The following GATM variants were observed in gnomAD, a reference collection of about 807,000 sequenced individuals.
The protein encoded by GATM is glycine amidinotransferase, also known as glycine amidinotransferase, mitochondrial.
A neutral mutation model predicts 54.2 loss-of-function variants in GATM; 23 were observed. The ratio of observed to expected loss-of-function variants is 0.42; its 90% confidence interval spans 0.31 to 0.60. The LOEUF (loss-of-function observed/expected upper bound fraction) is 0.60. Among genes scored for constraint, GATM ranks in the 20% least tolerant of loss-of-function variants. GATM has a pLI of 0.14. For synonymous variants in GATM, 168 were observed against 183.1 expected, an observed-to-expected ratio of 0.92 and a Z score of 0.67; for missense variants, 401 against 544.9, an observed-to-expected ratio of 0.74 and a Z score of 2.63.
chr15:45,401,400 A>C (rs746459840), intron 1 of GATM, among the ~76,000 whole-genome samples: 3 of 152,228 alleles, frequency 2.0e-5, no homozygotes, highest in Non-Finnish European at 4.4e-5. Context: ...GTTGCAGTGA[A>C]AGTGGGGAAA....
chr15:45,376,402 A>G (rs1315566031), intron 2 of GATM, among the ~76,000 whole-genome samples, 199 bp downstream of exon 2: 1 of 148,088 alleles, frequency 6.8e-6, no homozygotes, highest in Non-Finnish European at 1.5e-5. Flanking sequence ...ATCCAAGGGA[A>G]GAGCTTCAGG....
At chr15:45,398,545 C>A (rs1889960182) in intron 2 of GATM, among the ~76,000 whole-genome samples, 1 of 152,122 alleles carries the variant, frequency 6.6e-6, no homozygotes, top group Admixed American at 6.5e-5. Flanking sequence ...TTCTAAAGAA[C>A]AATTTTAACA....
At chr15:45,369,659 A>G in intron 2 of GATM, 138 bp from the exon 3 acceptor site, 1 of 747,786 alleles carries the variant, frequency 1.3e-6, no homozygotes, top group Non-Finnish European at 2.3e-6. Context: ...GCTGATCCCT[A>G]GCATTGAGCA....
At chr15:45,374,889 G>A (rs561275687) in intron 2 of GATM, among the ~76,000 whole-genome samples, 1 of 152,220 alleles carries the variant, frequency 6.6e-6, no homozygotes, top group South Asian at 2.1e-4. Flanking sequence ...AAATATTCAG[G>A]AAAAATTTAA....
chr15:45,384,194 T>G (rs761388204), intron 3 of GATM, among the ~76,000 whole-genome samples: 5 of 152,340 alleles, frequency 3.3e-5, no homozygotes, highest in Non-Finnish European at 7.3e-5. Flanking sequence ...CTACTTTCAG[T>G]GTTCACCACT....
At chr15:45,399,175 G>A (rs1001337937) in intron 2 of GATM, among the ~76,000 whole-genome samples, 2 of 152,080 alleles carry the variant, frequency 1.3e-5, no homozygotes, top group African/African-American at 2.4e-5. Flanking sequence ...GAATTCCATC[G>A]GTTTGGATTT....
chr15:45,378,203 G>A, intron 1 of GATM, 182 bp downstream of exon 1: 1 of 500,218 alleles, frequency 2.0e-6, no homozygotes, highest in East Asian at 3.6e-5. Context: ...AGCTCCTGGA[G>A]CCTGCGAAGG....
At chr15:45,367,913 T>C (rs533295558) in intron 4 of GATM, among the ~76,000 whole-genome samples, 157 bp downstream of exon 4, 3 of 152,332 alleles carry the variant, frequency 2.0e-5, no homozygotes, top group South Asian at 2.1e-4. Flanking sequence ...TTTACTCTTA[T>C]CATATTCATC....
chr15:45,398,946 G>T (rs1889966363), intron 2 of GATM, among the ~76,000 whole-genome samples: 1 of 152,052 alleles, frequency 6.6e-6, no homozygotes, highest in South Asian at 2.1e-4. Flanking sequence ...TAAAGAAACA[G>T]ATTCCAATTA....
At position 45,362,045 on chromosome 15, in the gene GATM, A is replaced by G. The variant is rs1444666335; in HGVS notation, c.*64T>C. 3 of 945,626 alleles carry G rather than the reference A, an allele frequency of 3.2e-6. No individual in the cohort carries two copies. Among genetic ancestry groups the G allele is most frequent in the Non-Finnish European group, 5.2e-6 (3 of 573,552 alleles). The allele number at this position is 945,626 out of a possible 1,614,324, so 58.6% of individuals were successfully genotyped here. On this transcript the variant is annotated 3_prime_UTR_variant, in exon 9 of 9. Coordinates refer to ENST00000396659, the MANE Select transcript of GATM (RefSeq NM_001482.3). ...TTCATGCACTTTTTAAAGCAGGAGAATGAACCTTGCCCCTAAGCTTCTTAG... is the reference window on the plus strand; with the variant it reads ...TTCATGCACTTTTTAAAGCAGGAGAGTGAACCTTGCCCCTAAGCTTCTTAG...
intron 3 of GATM, 33 bp downstream of exon 3, chr15:45,369,293 A>T (rs766422401): frequency 6.3e-7 from 1 of 1,582,832 alleles, no homozygotes; most frequent in South Asian, 1.1e-5. Context: ...GAAAATTCAG[A>T]CACTGGCAGT....
chr15:45,396,719 A>C (rs1889935792), intron 3 of GATM, among the ~76,000 whole-genome samples: 1 of 151,870 alleles, frequency 6.6e-6, no homozygotes, highest in South Asian at 2.1e-4. Context: ...AAATACAAAA[A>C]TTAGCCGGGC....
chr15:45,372,513 T>C (rs557297582), intron 2 of GATM, among the ~76,000 whole-genome samples: 13 of 152,214 alleles, frequency 8.5e-5, no homozygotes, highest in Non-Finnish European at 5.9e-5. Context: ...AATGACTCTT[T>C]ATATTCCTCT....
At chr15:45,382,770 G>A (rs1195627781), upstream of GATM, among the ~76,000 whole-genome samples, 1 of 152,134 alleles carries the variant, frequency 6.6e-6, no homozygotes, top group Non-Finnish European at 1.5e-5. Context: ...TCCAGCCTGG[G>A]CAACAGGAGA....
At chr15:45,394,702 C>G (rs1415486017) in intron 3 of GATM, among the ~76,000 whole-genome samples, 1 of 152,202 alleles carries the variant, frequency 6.6e-6, no homozygotes, top group Non-Finnish European at 1.5e-5. Context: ...TGGCTACTCT[C>G]ACATATTTTA....
chr15:45,378,280 C>A, intron 1 of GATM, 105 bp downstream of exon 1: 1 of 846,566 alleles, frequency 1.2e-6, no homozygotes. Flanking sequence ...CTAGGGAAAG[C>A]GAGGGAAGGT....
At chr15:45,387,554 T>C (rs1445989507) in intron 3 of GATM, among the ~76,000 whole-genome samples, 2 of 152,232 alleles carry the variant, frequency 1.3e-5, no homozygotes, top group Non-Finnish European at 2.9e-5. Context: ...AGAGCACTTA[T>C]ACATGGCTGT....
At chr15:45,382,606 A>G (rs1044214178), upstream of GATM, among the ~76,000 whole-genome samples, 1 of 151,288 alleles carries the variant, frequency 6.6e-6, no homozygotes, top group Non-Finnish European at 1.5e-5. Context: ...CAGCCTGGCA[A>G]ATATGGCAAA....
rs896766420 is a variant in GATM at position 45,378,370 on chromosome 15, C to T, written c.69+15G>A. On this transcript the variant is annotated intron_variant, in intron 1 of 8. Coordinates refer to ENST00000396659, the MANE Select transcript of GATM (RefSeq NM_001482.3). ...GAGTCACGCGGCCGCCAGACGAGGC[C>T]GGTGGCGCACGCACCCGAGATCCGA... 3 of 1,513,968 alleles carry T rather than the reference C, an allele frequency of 2.0e-6. No individual in the cohort carries two copies. The highest frequency in any genetic ancestry group is 2.8e-5 in the African/African-American group (2 of 70,586). 93.8% of individuals were successfully genotyped at this position (1,513,968 alleles called of 1,614,324 possible).
Sources: allele counts gnomAD v4.1 joint callset (sites outside exome capture counted in the v4.1 genomes callset), GRCh38; gene constraint gnomAD v4.1.1; transcripts MANE v1.5; gene names NCBI Gene and HGNC (gene_info 2026-07-23, HGNC 2026-07-21).